SOX5: variants seen among roughly 807,000 people sequenced by gnomAD.
SOX5 encodes SRY-box transcription factor 5.
A neutral mutation model predicts 92.0 loss-of-function variants in SOX5; 9 were observed. The observed-to-expected ratio is 0.10, with a 90% CI of 0.06 to 0.17. The LOEUF (loss-of-function observed/expected upper bound fraction) is 0.17. Ranked by LOEUF, SOX5 falls within the 10% of genes least tolerant of loss-of-function variation. SOX5 has a pLI of 1.00. For synonymous variants in SOX5, 344 were observed against 336.3 expected, an observed-to-expected ratio of 1.02 and a Z score of -0.25; for missense variants, 642 against 944.5, an observed-to-expected ratio of 0.68 and a Z score of 4.20.
At chr12:24,382,254 G>A (rs555799188) in intron 1 of SOX5, among the ~76,000 whole-genome samples, 1 of 152,326 alleles carries the variant, frequency 6.6e-6, no homozygotes, top group South Asian at 2.1e-4. Context: ...GTCAAGATTG[G>A]AAGAAAGTGT....
intron 4 of SOX5, among the ~76,000 whole-genome samples, chr12:23,957,994 C>A (rs993824666): frequency 4.7e-4 from 71 of 151,908 alleles, no homozygotes; most frequent in Non-Finnish European, 8.7e-4. Context: ...ACTGTTAATA[C>A]CCCTAAATAA....
At chr12:24,008,788 G>T (rs1339327095) in intron 4 of SOX5, among the ~76,000 whole-genome samples, 1 of 152,108 alleles carries the variant, frequency 6.6e-6, no homozygotes, top group Non-Finnish European at 1.5e-5. Flanking sequence ...CTCTAAAGAT[G>T]GCTCCCTAAT....
chr12:24,409,056 CAA>C (rs764123925), intron 1 of SOX5, among the ~76,000 whole-genome samples: 4 of 152,112 alleles, frequency 2.6e-5, no homozygotes, highest in Non-Finnish European at 5.9e-5. Context: ...TTTACAATAG[CAA>C]AGACAGGGAA....
At chr12:24,371,281 C>T (rs1433323267) in intron 1 of SOX5, among the ~76,000 whole-genome samples, 2 of 152,198 alleles carry the variant, frequency 1.3e-5, no homozygotes, top group Non-Finnish European at 2.9e-5. Flanking sequence ...GGACTTCAGT[C>T]CTAAAAATAC....
At position 24,306,394 on chromosome 12, in the gene SOX5, G is replaced by C. The variant is rs555060782; in HGVS notation, c.-173-29082C>G. 2.0e-5 allele frequency among the ~76,000 whole-genome samples: 3 copies of C among 152,326 alleles called. No homozygotes were observed. The South Asian group carries it at 6.2e-4, about 32-fold the overall frequency. On this transcript the variant is annotated intron_variant, in intron 2 of 4. Coordinates refer to the SOX5 transcript ENST00000446891. ...GCCCTCAATCTATGATTCTGCCACCGAAGTGTGGACTGGGGTCATGCAAAG... is the reference window on the plus strand; with the variant it reads ...GCCCTCAATCTATGATTCTGCCACCCAAGTGTGGACTGGGGTCATGCAAAG...
At chr12:24,206,941 G>C (rs1033731577) in intron 4 of SOX5, among the ~76,000 whole-genome samples, 2 of 152,150 alleles carry the variant, frequency 1.3e-5, no homozygotes, top group Admixed American at 6.5e-5. Flanking sequence ...CAACTGTGCC[G>C]AACACCTGTG....
chr12:23,785,015 T>G lies in SOX5; in HGVS notation c.482-29291A>C, dbSNP rs186730964. 3.6e-3 allele frequency among the ~76,000 whole-genome samples: 550 copies of G among 152,288 alleles called. 2 individuals carry two copies. The highest frequency in any genetic ancestry group is 6.8e-3 in the South Asian group (33 of 4,824). On this transcript the variant is annotated intron_variant, in intron 3 of 14. Transcript: ENST00000451604. ...GAGGGCCACTTGAGCCTGGGAGATC[T>G]AGGCTACAGGGAGCCATGATTGTGC...
chr12:24,157,552 TA>T (rs1245476665), intron 4 of SOX5, among the ~76,000 whole-genome samples: 1 of 152,142 alleles, frequency 6.6e-6, no homozygotes, highest in African/African-American at 2.4e-5. Context: ...AATAGATACC[TA>T]AATGGGATTT....
At chr12:23,702,904 GA>G (rs996556418) in intron 6 of SOX5, among the ~76,000 whole-genome samples, 1 of 152,046 alleles carries the variant, frequency 6.6e-6, no homozygotes, top group Admixed American at 6.6e-5. Context: ...CAAGCTTATA[GA>G]ATTTCTCACA....
At chr12:23,545,328 T>C (rs1014095234) in intron 12 of SOX5, among the ~76,000 whole-genome samples, 2 of 152,232 alleles carry the variant, frequency 1.3e-5, no homozygotes, top group African/African-American at 4.8e-5. Context: ...ATGCTTAAAA[T>C]GCATGGATGC....
chr12:24,218,364 G>A (rs560739965), intron 3 of SOX5, among the ~76,000 whole-genome samples: 2 of 152,214 alleles, frequency 1.3e-5, no homozygotes, highest in African/African-American at 4.8e-5. Context: ...TCAAGTGAAA[G>A]AAGTCAGTGA....
chr12:24,293,161 T>C (rs532769239), intron 2 of SOX5, among the ~76,000 whole-genome samples: 1 of 152,292 alleles, frequency 6.6e-6, no homozygotes, highest in East Asian at 1.9e-4. Context: ...ATTCCTCCAA[T>C]GGCCACATCA....
At chr12:24,176,919 G>A (rs866282816) in intron 4 of SOX5, among the ~76,000 whole-genome samples, 5 of 151,572 alleles carry the variant, frequency 3.3e-5, no homozygotes, top group Middle Eastern at 3.4e-3. Context: ...CATTGTTTTA[G>A]GATGTGGTAA....
chr12:23,725,940 T>A (rs2093086510), intron 6 of SOX5, among the ~76,000 whole-genome samples: 1 of 152,140 alleles, frequency 6.6e-6, no homozygotes, highest in Non-Finnish European at 1.5e-5. Context: ...TCTAGAATAC[T>A]CTCTTTGTAG....
intron 2 of SOX5, among the ~76,000 whole-genome samples, chr12:23,858,139 T>A (rs2096715774): frequency 6.6e-6 from 1 of 152,048 alleles, no homozygotes; most frequent in Admixed American, 6.6e-5. Flanking sequence ...TTTTTGTTTG[T>A]TTTTTTACAA....
At chr12:23,839,990 C>CAAAAA (rs142394109) in intron 3 of SOX5, among the ~76,000 whole-genome samples, 2 of 121,856 alleles carry the variant, frequency 1.6e-5, no homozygotes, top group Non-Finnish European at 1.7e-5. Context: ...CTCAAGAAGA[C>CAAAAA]AAAAAAAAAA....
chr12:23,631,082 C>T (rs541142889), intron 8 of SOX5, among the ~76,000 whole-genome samples: 34 of 151,890 alleles, frequency 2.2e-4, no homozygotes, highest in Middle Eastern at 3.4e-3. Context: ...TTGACTAAAC[C>T]ATACGAATAA....
At chr12:23,621,385 A>T (rs1290426088) in intron 8 of SOX5, among the ~76,000 whole-genome samples, 2 of 152,104 alleles carry the variant, frequency 1.3e-5, no homozygotes, top group East Asian at 3.8e-4. Context: ...GGTGATGGTT[A>T]TATAACATTG....
chr12:23,985,174 G>A (rs1373925531), intron 4 of SOX5, among the ~76,000 whole-genome samples: 1 of 151,754 alleles, frequency 6.6e-6, no homozygotes. Flanking sequence ...TTATAAAAAT[G>A]GTTATATATT....
Sources: allele counts gnomAD v4.1 joint callset (sites outside exome capture counted in the v4.1 genomes callset), GRCh38; gene constraint gnomAD v4.1.1; transcripts MANE v1.5; gene names NCBI Gene and HGNC (gene_info 2026-07-23, HGNC 2026-07-21).